The following CHAF1A variants were observed in gnomAD, a reference collection of about 807,000 sequenced individuals.
CHAF1A encodes the protein CAF-1 subunit A.
In CHAF1A, 5 loss-of-function variants were observed where a neutral mutation model predicts 93.2. The ratio of observed to expected loss-of-function variants is 0.05; its 90% CI spans 0.03 to 0.11. The LOEUF (loss-of-function observed/expected upper bound fraction) is 0.11. Among genes scored for constraint, CHAF1A ranks in the 10% least tolerant of loss-of-function variants. The pLI is 1.00. For missense variants in CHAF1A, 1,102 were observed against 1,259.9 expected (o/e 0.87, Z 1.90); for synonymous variants, 504 against 510.3 (o/e 0.99, Z 0.17).
At chr19:4,447,612 T>C (rs766669347), downstream of CHAF1A, 2 of 1,613,636 alleles carry the variant, frequency 1.2e-6, no homozygotes, top group East Asian at 4.5e-5. Flanking sequence ...TGCAGGTGGA[T>C]GTTGTCCAGG....
At chr19:4,443,629 T>C (rs1206347393), downstream of CHAF1A, among the ~76,000 whole-genome samples, 2 of 152,182 alleles carry the variant, frequency 1.3e-5, no homozygotes, top group Non-Finnish European at 2.9e-5. Flanking sequence ...GTTGGGGGGT[T>C]AGGAGAGGGT....
At position 4,424,728 on chromosome 19, in the gene CHAF1A, G is replaced by C. The variant is rs1025995346; in HGVS notation, c.1377+854G>C. Among the ~76,000 whole-genome samples the C allele has an allele frequency of 2.0e-5, 3 of 152,240 alleles. No individual in the cohort carries two copies. The East Asian group carries it at 5.8e-4, about 29-fold the overall frequency. ...CAGCTCACTGCAACGTCCACCTCCC[G>C]GGTTCCAGTGATTCTTCTGTGTCAG... On this transcript the variant is annotated intron_variant, in intron 7 of 14. Transcript: ENST00000301280.
intron 1 of CHAF1A, among the ~76,000 whole-genome samples, chr19:4,404,505 T>TAA (rs1008895535): frequency 1.1e-4 from 16 of 152,186 alleles, no homozygotes; most frequent in Non-Finnish European, 1.8e-4. Flanking sequence ...AGTGGACACT[T>TAA]GAGAATGATA....
Position 4,429,795 on chromosome 19 carries a change from A to T in CHAF1A, c.1854+7A>T, listed in dbSNP as rs1195349980. 3 of 1,609,160 alleles carry T rather than the reference A, an allele frequency of 1.9e-6. No homozygotes were observed. Among genetic ancestry groups the T allele is most frequent in the Non-Finnish European group, 2.5e-6 (3 of 1,177,250 alleles). ...CCTGTCCCACAGTGAGGGGGTAAGG[A>T]TGTGCCCCAGCTGTCTTCACTCACA... is the stretch of plus-strand genomic sequence containing the variant. On this transcript the variant is annotated splice_region_variant and intron_variant, in intron 10 of 14. Transcript: ENST00000301280.
At chr19:4,446,757 G>A (rs2145170463), downstream of CHAF1A, 3 of 1,611,680 alleles carry the variant, frequency 1.9e-6, no homozygotes, top group East Asian at 6.7e-5. Flanking sequence ...CTGTGCAATG[G>A]AGAGACCCCC....
downstream of CHAF1A, among the ~76,000 whole-genome samples, chr19:4,443,877 C>T (rs964713137): frequency 1.3e-5 from 2 of 152,182 alleles, no homozygotes; most frequent in East Asian, 1.9e-4. Flanking sequence ...CACGCAGCCA[C>T]GGGGAGGGTC....
At chr19:4,424,924 C>T (rs1054974344) in intron 7 of CHAF1A, among the ~76,000 whole-genome samples, 4 of 152,186 alleles carry the variant, frequency 2.6e-5, no homozygotes, top group Non-Finnish European at 5.9e-5. Flanking sequence ...CGTGAGCCAC[C>T]GTGCCCGGCC....
At position 4,443,315 on chromosome 19, in the gene CHAF1A, A is replaced by T; in HGVS notation, c.*290A>T. On this transcript the variant is annotated 3_prime_UTR_variant, in exon 15 of 15. Coordinates refer to ENST00000301280, the MANE Select transcript of CHAF1A (RefSeq NM_005483.3). ...GAATCCAATACTTGTAAATGAATTG[A>T]AGCGTCAGGACCACCCGCCTGGCCA... is the stretch of plus-strand genomic sequence containing the variant. The T allele has an allele frequency of 2.5e-6, 1 of 403,820 alleles. No homozygotes were observed. The highest frequency in any genetic ancestry group is 2.4e-5 in the South Asian group (1 of 42,072). The allele number at this position is 403,820 out of a possible 1,614,324, so 25.0% of individuals were successfully genotyped here.
At chr19:4,429,036 A>C (rs1309791272) in intron 8 of CHAF1A, 146 bp downstream of exon 8, 1 of 644,428 alleles carries the variant, frequency 1.6e-6, no homozygotes, top group Non-Finnish European at 2.7e-6. Context: ...GTGCTGGCTC[A>C]GGCCTCTCTC....
Position 4,432,169 on chromosome 19 carries a change from C to T in CHAF1A, c.2165C>T (p.Thr722Met), listed in dbSNP as rs764901869. The T allele has an allele frequency of 1.2e-5, 20 of 1,611,334 alleles. No homozygotes were observed. The highest frequency in any genetic ancestry group is 5.5e-5 in the South Asian group (5 of 90,994). ...ACCCTGCCGGCCCAGGAGGAGCAGA[C>T]GCCCAAGGCCTCCAAGCGGGAGAGG... ...LETLPAQEEQ[T>M]PKASKRERRD... is the part of the protein sequence containing the mutation. The change falls in exon 12 of 15, where the codon ACG becomes ATG. Residue 722 changes from threonine to methionine, a missense_variant. Thr to Met is a moderately conservative substitution (Grantham distance 81). This residue lies in a region of CHAF1A where 335 missense variants were observed against 361.9 expected (regional missense o/e 0.93). Transcript: ENST00000301280.
At chr19:4,432,425 A>G (rs1235402279) in intron 12 of CHAF1A, among the ~76,000 whole-genome samples, 1 of 152,136 alleles carries the variant, frequency 6.6e-6, no homozygotes, top group Non-Finnish European at 1.5e-5. Context: ...CAACCAGGAC[A>G]CAGGCACAGA....
chr19:4,428,578 T>C (rs1974125474), intron 7 of CHAF1A, 86 bp from the exon 8 acceptor site: 1 of 1,203,044 alleles, frequency 8.3e-7, no homozygotes, highest in East Asian at 2.3e-5. Flanking sequence ...CCTGGATGAA[T>C]CCCACCAGCA....
At chr19:4,432,807 G>A (rs547457758) in intron 12 of CHAF1A, among the ~76,000 whole-genome samples, 8 of 151,578 alleles carry the variant, frequency 5.3e-5, no homozygotes, top group African/African-American at 1.9e-4. Context: ...TGGCACACAA[G>A]GAGAGCAGGG....
Position 4,422,937 on chromosome 19 carries a change from G to A in CHAF1A, c.1247+142G>A, listed in dbSNP as rs1473594801. On this transcript the variant is annotated intron_variant, in intron 5 of 14. Transcript: ENST00000301280. This position sits in a 1 kb window ranked among gnomAD's most constrained non-coding sequence, Gnocchi z 4.6. ...CCCATTTCTCCTTCGTGAGGTGCCC[G>A]TGGGGCCCTGACGTGGGAGCGGTGG... 35 of 813,708 alleles carry A rather than the reference G, an allele frequency of 4.3e-5. No individual in the cohort carries two copies. The highest frequency in any genetic ancestry group is 5.6e-5 in the Non-Finnish European group (29 of 515,846). The allele number at this position is 813,708 out of a possible 1,614,324, so 50.4% of individuals were successfully genotyped here.
chr19:4,429,908 C>A, intron 10 of CHAF1A, 120 bp downstream of exon 10: 1 of 860,716 alleles, frequency 1.2e-6, no homozygotes, highest in Admixed American at 2.6e-5. Flanking sequence ...GGTGTTTGAC[C>A]TGCTGTGTGG....
intron 1 of CHAF1A, among the ~76,000 whole-genome samples, chr19:4,403,251 C>T (rs1364787481): frequency 1.3e-5 from 2 of 152,118 alleles, no homozygotes; most frequent in African/African-American, 4.8e-5. Flanking sequence ...CGCTGAGGGT[C>T]GGGGTAAGCC....
At position 4,411,644 on chromosome 19, in the gene CHAF1A, C is replaced by CTTTTTTTTTTTTTTTTTTTTTTTT. The variant is rs66491258; in HGVS notation, c.960+1906_960+1907insTTTTTTTTTTTTTTTTTTTTTTTT. 5.9e-3 allele frequency among the ~76,000 whole-genome samples: 282 copies of CTTTTTTTTTTTTTTTTTTTTTTTT among 48,182 alleles called. 88 individuals carry two copies. Among genetic ancestry groups the CTTTTTTTTTTTTTTTTTTTTTTTT allele is most frequent in the Middle Eastern group, 0.016 (1 of 62 alleles). The allele number at this position is 48,182 out of a possible 152,430, so 31.6% of individuals were successfully genotyped here. A position where few individuals can be genotyped will look rare whatever the true frequency, so the allele number is the denominator to read the frequency against. On this transcript the variant is annotated intron_variant, in intron 3 of 14. Coordinates refer to ENST00000301280, the MANE Select transcript of CHAF1A (RefSeq NM_005483.3). ...GAAATGTTGTAAAAATGGTGCAAAT[C>CTTTTTTTTTTTTTTTTTTTTTTTT]TTTTTTTTTTTTTTTTTTTTTGAGA...
intron 13 of CHAF1A, among the ~76,000 whole-genome samples, chr19:4,441,581 C>T (rs1471381882): frequency 6.6e-6 from 1 of 151,812 alleles, no homozygotes; most frequent in African/African-American, 2.4e-5. Context: ...GCACTCCAGC[C>T]TCAGTGACAG....
Position 4,425,142 on chromosome 19 carries a change from T to C in CHAF1A, c.1377+1268T>C, listed in dbSNP as rs529957132. Among the ~76,000 whole-genome samples the C allele has an allele frequency of 3.5e-4, 54 of 152,344 alleles. 1 individual carries two copies. The highest frequency in any genetic ancestry group is 1.2e-3 in the African/African-American group (51 of 41,590). ...TATCCTGAAGGTGCACAATGTGACA[T>C]TGTTGTACCTACACATCATATTGTG... On this transcript the variant is annotated intron_variant, in intron 7 of 14. Transcript: ENST00000301280.
Sources: gnomAD v4.1 joint callset for allele counts (sites outside exome capture counted in the v4.1 genomes callset) on GRCh38, gnomAD v4.1.1 for gene constraint, gnomAD v4.1.1 regional missense constraint, Gnocchi (gnomAD v3.1) non-coding constraint, MANE v1.5 for transcripts, NCBI Gene and HGNC (gene_info 2026-07-23, HGNC 2026-07-21) for gene names.